EXOC4: variants seen among roughly 807,000 people sequenced by gnomAD.
The protein encoded by EXOC4 is SEC8-like 1.
Under a neutral mutation model 107.2 loss-of-function variants are expected in EXOC4, and 71 were observed. That is an observed-to-expected ratio of 0.66 (90% CI 0.55 to 0.81). The LOEUF (loss-of-function observed/expected upper bound fraction) is 0.81. Among genes scored for constraint, EXOC4 ranks in the 30% least tolerant of loss-of-function variants. The probability of loss-of-function intolerance (pLI) is 0.00; values close to 1 mark genes in which losing one functional copy is unlikely to be tolerated. For missense variants in EXOC4, 1,108 were observed against 1,189.6 expected (o/e 0.93, Z 1.01); for synonymous variants, 456 against 441.2 (o/e 1.03, Z -0.42).
intron 17 of EXOC4, among the ~76,000 whole-genome samples, chr7:134,053,247 A>G (rs559939016): frequency 6.6e-6 from 1 of 151,948 alleles, no homozygotes; most frequent in East Asian, 1.9e-4. Flanking sequence ...CAAAAAAAAA[A>G]AAAAAGAAGA....
intron 17 of EXOC4, among the ~76,000 whole-genome samples, chr7:134,058,508 G>C (rs11976686): frequency 1.3e-5 from 2 of 152,152 alleles, no homozygotes. Flanking sequence ...AAAAACTCTT[G>C]CTTGTAAACT....
At chr7:133,765,059 T>A (rs1307417662) in intron 10 of EXOC4, among the ~76,000 whole-genome samples, 1 of 152,082 alleles carries the variant, frequency 6.6e-6, no homozygotes, top group Non-Finnish European at 1.5e-5. Context: ...ACCAATGAAG[T>A]CCTACATAGA....
At chr7:133,864,481 T>G (rs1798596243) in intron 11 of EXOC4, among the ~76,000 whole-genome samples, 1 of 152,202 alleles carries the variant, frequency 6.6e-6, no homozygotes, top group African/African-American at 2.4e-5. Flanking sequence ...GTAGAAATTA[T>G]TAGATGTTTT....
intron 11 of EXOC4, among the ~76,000 whole-genome samples, chr7:133,848,893 C>T (rs963234836): frequency 6.6e-6 from 1 of 152,048 alleles, no homozygotes; most frequent in Admixed American, 6.6e-5. Context: ...TGTGGTAGGT[C>T]GTTCAGTACA....
chr7:133,860,647 A>T (rs1276617475), intron 11 of EXOC4, among the ~76,000 whole-genome samples: 1 of 152,236 alleles, frequency 6.6e-6, no homozygotes, highest in African/African-American at 2.4e-5. Flanking sequence ...AATATCCCGT[A>T]TAGAGCCAAC....
intron 10 of EXOC4, among the ~76,000 whole-genome samples, chr7:133,753,114 G>A (rs187866109): frequency 1.4e-3 from 211 of 152,274 alleles, no homozygotes; most frequent in African/African-American, 4.4e-3. Context: ...CTCTTTTAAA[G>A]ATCAAAGAAC....
chr7:133,917,024 G>A (rs371992459), intron 12 of EXOC4, among the ~76,000 whole-genome samples: 1 of 152,186 alleles, frequency 6.6e-6, no homozygotes, highest in African/African-American at 2.4e-5. Context: ...GGAGATGGCA[G>A]TAATCAAAGG....
chr7:133,293,011 A>G (rs1055992745), intron 3 of EXOC4, among the ~76,000 whole-genome samples: 2 of 152,224 alleles, frequency 1.3e-5, no homozygotes, highest in African/African-American at 4.8e-5. Flanking sequence ...TAAATGAATG[A>G]CAATGATAAC....
At chr7:133,418,356 T>C (rs1797526071) in intron 7 of EXOC4, among the ~76,000 whole-genome samples, 2 of 152,200 alleles carry the variant, frequency 1.3e-5, no homozygotes, top group South Asian at 4.1e-4. Context: ...TCTTTTTGCT[T>C]ACTGAGGTTG....
intron 9 of EXOC4, among the ~76,000 whole-genome samples, chr7:133,514,267 C>T (rs1027798547): frequency 3.3e-5 from 5 of 151,868 alleles, no homozygotes; most frequent in Non-Finnish European, 5.9e-5. Flanking sequence ...CCGGTTTAAG[C>T]GATTCTCTTC....
intron 17 of EXOC4, among the ~76,000 whole-genome samples, chr7:134,020,766 A>G (rs1795010593): frequency 6.6e-6 from 1 of 152,134 alleles, no homozygotes; most frequent in South Asian, 2.1e-4. Flanking sequence ...CAGGTGGATC[A>G]CTTGAGGTCA....
At chr7:133,263,013 T>C (rs1057440614) in intron 1 of EXOC4, among the ~76,000 whole-genome samples, 4 of 152,196 alleles carry the variant, frequency 2.6e-5, no homozygotes, top group Admixed American at 2.0e-4. Flanking sequence ...GTTTTATAAA[T>C]GAGAGTTCCC....
intron 10 of EXOC4, among the ~76,000 whole-genome samples, chr7:133,744,968 G>A (rs1795643529): frequency 6.6e-6 from 1 of 152,032 alleles, no homozygotes. Context: ...AAGCATTTGT[G>A]TTTTTTACTT....
chr7:133,461,481 A>T (rs557661431), intron 7 of EXOC4, among the ~76,000 whole-genome samples: 2 of 152,234 alleles, frequency 1.3e-5, no homozygotes, highest in African/African-American at 4.8e-5. Context: ...GACAATATTT[A>T]CATATTACAG....
intron 10 of EXOC4, among the ~76,000 whole-genome samples, chr7:133,755,185 CAGTT>C (rs979374629): frequency 9.3e-4 from 125 of 134,426 alleles, no homozygotes; most frequent in African/African-American, 2.8e-3. Context: ...CACTATGAAA[CAGTT>C]AGTAAACCAT....
At position 133,599,011 on chromosome 7, in the gene EXOC4, TTAAAA is replaced by T. The variant is rs200003704; in HGVS notation, c.1418-31022_1418-31018del. On this transcript the variant is annotated intron_variant, in intron 9 of 17. Transcript: ENST00000253861. ...ATAACTAAATTAATTAATTAATTAA[TTAAAA>T]TAAAATAAAATGCAAACTGGATTTC... Among the ~76,000 whole-genome samples, 1,053 of 152,186 alleles carry T rather than the reference TTAAAA, an allele frequency of 6.9e-3. 6 individuals are homozygous for T. Among genetic ancestry groups the T allele is most frequent in the African/African-American group, 0.012 (482 of 41,520 alleles).
chr7:133,380,097 G>A (rs200757672), intron 7 of EXOC4, among the ~76,000 whole-genome samples: 1 of 151,814 alleles, frequency 6.6e-6, no homozygotes, highest in East Asian at 1.9e-4. Flanking sequence ...TGTGGGGTGG[G>A]GGGATGGGGG....
chr7:133,258,622 T>C (rs1458482658), intron 1 of EXOC4, among the ~76,000 whole-genome samples: 12 of 152,242 alleles, frequency 7.9e-5, no homozygotes, highest in Admixed American at 7.9e-4. Context: ...TTCTAGGATC[T>C]GTAGCCTCTT....
intron 10 of EXOC4, among the ~76,000 whole-genome samples, chr7:133,757,844 T>C (rs541115517): frequency 2.0e-5 from 3 of 152,218 alleles, no homozygotes; most frequent in Non-Finnish European, 4.4e-5. Context: ...TTATTATCCC[T>C]CATTTTTAAA....
Sources: gnomAD v4.1 joint callset for allele counts (sites outside exome capture counted in the v4.1 genomes callset) on GRCh38, gnomAD v4.1.1 for gene constraint, MANE v1.5 for transcripts, NCBI Gene and HGNC (gene_info 2026-07-23, HGNC 2026-07-21) for gene names.